The following PKD2 variants were observed in gnomAD, a reference collection of about 807,000 sequenced individuals.
PKD2 encodes polycystin-2.
PKD2 carries 48 observed loss-of-function variants against 105.9 expected under a neutral mutation model. The ratio of observed to expected loss-of-function variants is 0.45; its 90% confidence interval spans 0.36 to 0.58. The LOEUF (loss-of-function observed/expected upper bound fraction) is 0.58. Among genes scored for constraint, PKD2 ranks in the 20% least tolerant of loss-of-function variants. The pLI, the probability that PKD2 is intolerant of heterozygous loss-of-function variation, is 0.00. For missense variants in PKD2, 1,078 were observed against 1,255.3 expected, an observed-to-expected ratio of 0.86 and a Z score of 2.13; for synonymous variants, 464 against 481.1, an observed-to-expected ratio of 0.96 and a Z score of 0.46.
At chr4:88,073,525 CAA>C (rs913549091) in intron 13 of PKD2, among the ~76,000 whole-genome samples, 7 of 131,064 alleles carry the variant, frequency 5.3e-5, no homozygotes, top group Non-Finnish European at 5.0e-5. Context: ...GACTCTGTCT[CAA>C]AAAAAAAAAA....
Position 88,055,045 on chromosome 4 carries a change from T to C in PKD2, c.1717-1041T>C, listed in dbSNP as rs561110938. The stretch of plus-strand genomic sequence containing the variant: ...ATCTGGGCAGCCATCCTCAGTGCCT[T>C]ATCTACCAACATGCTCAATATGGCT... On this transcript the variant is annotated intron_variant, in intron 7 of 14. Transcript: ENST00000237596. 4.5e-4 allele frequency among the ~76,000 whole-genome samples: 69 copies of C among 152,170 alleles called. 1 individual carries two copies. The highest frequency in any genetic ancestry group is 7.4e-5 in the Non-Finnish European group (5 of 68,018).
rs556945269 is a variant in PKD2, at chr4:88,040,238, C to G, written c.1094+1737C>G. On this transcript the variant is annotated intron_variant, in intron 4 of 14. Coordinates refer to ENST00000237596, the MANE Select transcript of PKD2 (RefSeq NM_000297.4). Reference sequence around the variant, plus strand: ...CCATGTTTCGCCTACTAAACCTCTTCCATATTAATTCCTCCTCCATATTAA... The same window carrying G: ...CCATGTTTCGCCTACTAAACCTCTTGCATATTAATTCCTCCTCCATATTAA... Among the ~76,000 whole-genome samples, 3 of 152,266 alleles carry G rather than the reference C, an allele frequency of 2.0e-5. No homozygotes were observed. The South Asian group carries it at 6.2e-4, about 32-fold the overall frequency.
intron 2 of PKD2, among the ~76,000 whole-genome samples, chr4:88,034,728 C>T (rs938021111): frequency 1.4e-5 from 2 of 146,894 alleles, no homozygotes; most frequent in African/African-American, 2.5e-5. Context: ...GAGAGATTTA[C>T]TAAATAGTAC....
intron 7 of PKD2, among the ~76,000 whole-genome samples, chr4:88,054,237 T>TA (rs1485571892): frequency 6.8e-6 from 1 of 146,850 alleles, no homozygotes; most frequent in South Asian, 2.2e-4. Context: ...CTACTAAAAA[T>TA]ACAAAAAAAA....
At chr4:88,044,587 G>A (rs1223456791) in intron 5 of PKD2, among the ~76,000 whole-genome samples, 1 of 152,212 alleles carries the variant, frequency 6.6e-6, no homozygotes, top group Non-Finnish European at 1.5e-5. Flanking sequence ...GTTTTGGAAT[G>A]TCTGCATATA....
At chr4:88,025,062 C>A (rs2110094489) in intron 2 of PKD2, among the ~76,000 whole-genome samples, 2 of 151,952 alleles carry the variant, frequency 1.3e-5, no homozygotes, top group South Asian at 4.2e-4. Context: ...AACCCTTAAA[C>A]CCGGGAGGTG....
chr4:88,015,706 GC>G (rs1726536128), intron 1 of PKD2, among the ~76,000 whole-genome samples: 1 of 152,264 alleles, frequency 6.6e-6, no homozygotes, highest in Non-Finnish European at 1.5e-5. Context: ...ACAGGCGTGA[GC>G]CAGTGTGCCC....
At chr4:88,074,435 AC>A (rs1342358018) in intron 13 of PKD2, among the ~76,000 whole-genome samples, 4 of 151,784 alleles carry the variant, frequency 2.6e-5, no homozygotes, top group Admixed American at 6.6e-5. Flanking sequence ...ATCATGCCCT[AC>A]CCCCCCATCA....
Position 88,045,975 on chromosome 4 carries a change from A to G in PKD2, c.1320-667A>G, listed in dbSNP as rs1727751053. On this transcript the variant is annotated intron_variant, in intron 5 of 14. Transcript: ENST00000237596. The stretch of plus-strand genomic sequence containing the variant: ...TTTCTTTATATTCTTCATGTTGCCT[A>G]GTAGAAGGACTTGAATTTAATAGAA... Among the ~76,000 whole-genome samples the G allele has an allele frequency of 2.6e-5, 4 of 152,264 alleles. No homozygotes were observed. In the South Asian group the frequency reaches 8.3e-4, roughly 32 times the overall value.
chr4:88,073,072 T>G (rs186868889), intron 13 of PKD2, among the ~76,000 whole-genome samples: 4,341 of 145,716 alleles, frequency 0.03, 91 homozygotes, highest in Non-Finnish European at 0.042. Flanking sequence ...ACATTGAGGC[T>G]GGGCATGGTG....
chr4:88,041,772 G>A (rs771157063), intron 4 of PKD2, among the ~76,000 whole-genome samples: 3 of 152,196 alleles, frequency 2.0e-5, no homozygotes, highest in Non-Finnish European at 4.4e-5. Flanking sequence ...TACCGGTCAG[G>A]GAAAGTTGAA....
intron 2 of PKD2, among the ~76,000 whole-genome samples, chr4:88,024,264 C>T (rs1726868460): frequency 2.6e-5 from 4 of 151,708 alleles, no homozygotes; most frequent in Non-Finnish European, 5.9e-5. Context: ...CAAGACCAGC[C>T]TGGGCAACTT....
intron 4 of PKD2, among the ~76,000 whole-genome samples, chr4:88,042,206 A>T (rs1364073962): frequency 1.3e-5 from 2 of 152,230 alleles, no homozygotes; most frequent in Non-Finnish European, 2.9e-5. Context: ...TAATGGACTT[A>T]CAGTTCCACA....
chr4:88,045,427 C>A (rs756644488), intron 5 of PKD2, among the ~76,000 whole-genome samples: 3 of 152,172 alleles, frequency 2.0e-5, no homozygotes, highest in Non-Finnish European at 4.4e-5. Context: ...TTCTAATTTA[C>A]CATAGTCCTG....
At chr4:88,022,562 C>T (rs1726790180) in intron 2 of PKD2, among the ~76,000 whole-genome samples, 1 of 152,174 alleles carries the variant, frequency 6.6e-6, no homozygotes, top group African/African-American at 2.4e-5. Context: ...AGATTTACTC[C>T]TAGCAAAACC....
intron 2 of PKD2, among the ~76,000 whole-genome samples, chr4:88,027,033 T>C (rs546060500): frequency 2.4e-4 from 36 of 152,342 alleles, no homozygotes; most frequent in African/African-American, 8.4e-4. Flanking sequence ...CAGAGCCTTA[T>C]GGAGAACCTC....
intron 2 of PKD2, among the ~76,000 whole-genome samples, chr4:88,023,992 T>C (rs1726858904): frequency 6.6e-6 from 1 of 152,206 alleles, no homozygotes; most frequent in African/African-American, 2.4e-5. Context: ...GTAATCTCAC[T>C]TTCTCTGTTA....
chr4:88,010,610 A>T lies in PKD2; in HGVS notation c.595+2282A>T, dbSNP rs1726352642. 2.0e-5 allele frequency among the ~76,000 whole-genome samples: 3 copies of T among 152,198 alleles called. No individual in the cohort carries two copies. In the South Asian group the frequency reaches 6.2e-4, roughly 32 times the overall value. ...TTTTAAAGGTGGGAGAAATGACTGA[A>T]GTTTGGAGTGGTCAGGAGTTTCCCT... On this transcript the variant is annotated intron_variant, in intron 1 of 14. Transcript: ENST00000237596.
chr4:88,045,438 T>C (rs994239054), intron 5 of PKD2, among the ~76,000 whole-genome samples: 4 of 152,234 alleles, frequency 2.6e-5, no homozygotes, highest in Admixed American at 2.0e-4. Context: ...CATAGTCCTG[T>C]TTTTACTTGA....
Sources: allele counts gnomAD v4.1 joint callset (sites outside exome capture counted in the v4.1 genomes callset), GRCh38; gene constraint gnomAD v4.1.1; transcripts MANE v1.5; gene names NCBI Gene and HGNC (gene_info 2026-07-23, HGNC 2026-07-21).